Variants in RFT1 observed in about 807,000 individuals in gnomAD.
RFT1 encodes the protein RFT1 glycolipid translocator homolog.
A neutral mutation model predicts 62.2 loss-of-function variants in RFT1; 43 were observed. The ratio of observed to expected loss-of-function variants is 0.69; its 90% CI spans 0.54 to 0.89. The LOEUF (loss-of-function observed/expected upper bound fraction) is 0.89. Ranked by LOEUF, RFT1 falls within the 40% of genes least tolerant of loss-of-function variation. The pLI, the probability that RFT1 is intolerant of heterozygous loss-of-function variation, is 0.00. For missense variants in RFT1, 605 were observed against 649.9 expected, an observed-to-expected ratio of 0.93 and a Z score of 0.75; for synonymous variants, 262 against 264.6, an observed-to-expected ratio of 0.99 and a Z score of 0.10.
At chr3:53,118,931 G>T (rs919301936) in intron 6 of RFT1, among the ~76,000 whole-genome samples, 1 of 152,144 alleles carries the variant, frequency 6.6e-6, no homozygotes, top group Admixed American at 6.5e-5. Flanking sequence ...AGGAGACCAC[G>T]TGAGGCCGGG....
At chr3:53,081,349 G>A in the RFT1 span, among the ~76,000 whole-genome samples, 2 of 152,228 alleles carry the variant, frequency 1.3e-5, no homozygotes, top group Non-Finnish European at 2.9e-5. Context: ...GGGTGAGGGT[G>A]GAGAGGAGCA....
At chr3:53,070,984 G>C in the RFT1 span, among the ~76,000 whole-genome samples, 1 of 152,130 alleles carries the variant, frequency 6.6e-6, no homozygotes. Flanking sequence ...GCCCACTTTG[G>C]CCTCCCAAAG....
downstream of RFT1, among the ~76,000 whole-genome samples, chr3:53,086,512 C>T (rs1425587189): frequency 1.3e-5 from 2 of 152,036 alleles, no homozygotes; most frequent in African/African-American, 4.8e-5. Context: ...GACGGGGTTT[C>T]ACCATGTTGG....
chr3:53,108,368 A>C (rs1701549473), intron 7 of RFT1, among the ~76,000 whole-genome samples: 1 of 150,002 alleles, frequency 6.7e-6, no homozygotes. Flanking sequence ...ACAGCTCTTA[A>C]ATCAGTCTCT....
chr3:53,124,842 C>T (rs1464985252), intron 2 of RFT1, among the ~76,000 whole-genome samples: 1 of 152,036 alleles, frequency 6.6e-6, no homozygotes, highest in African/African-American at 2.4e-5. Flanking sequence ...TGTGGCGGTG[C>T]ACACCTGTAG....
chr3:53,073,597 C>G, the RFT1 span, among the ~76,000 whole-genome samples: 1 of 152,212 alleles, frequency 6.6e-6, no homozygotes, highest in Non-Finnish European at 1.5e-5. Flanking sequence ...AGGCCCTGAG[C>G]CCATCATTCC....
chr3:53,098,440 C>T (rs1279767798), intron 11 of RFT1, among the ~76,000 whole-genome samples: 1 of 152,036 alleles, frequency 6.6e-6, no homozygotes, highest in Non-Finnish European at 1.5e-5. Flanking sequence ...GACACTCCCT[C>T]CCCATCCCAC....
At chr3:53,114,355 A>G (rs1376570698) in intron 6 of RFT1, among the ~76,000 whole-genome samples, 3 of 152,190 alleles carry the variant, frequency 2.0e-5, no homozygotes, top group Non-Finnish European at 4.4e-5. Context: ...CTTTAAAGAC[A>G]AAGTTCTTTG....
intron 11 of RFT1, among the ~76,000 whole-genome samples, chr3:53,094,152 G>A (rs1197608707): frequency 6.6e-6 from 1 of 152,094 alleles, no homozygotes; most frequent in African/African-American, 2.4e-5. Context: ...GGGAGGTTGA[G>A]GCAGGAGAAT....
chr3:53,126,012 A>G lies in RFT1; in HGVS notation c.64-18T>C, dbSNP rs760921775. On this transcript the variant is annotated intron_variant, in intron 1 of 12. Coordinates refer to ENST00000296292, the MANE Select transcript of RFT1 (RefSeq NM_052859.4). Reference sequence around the variant, plus strand: ...AACAACACCTATAGAAAAAGAGGAAAAATACGTAAGAATAAATGACGTTAG... The same window carrying G: ...AACAACACCTATAGAAAAAGAGGAAGAATACGTAAGAATAAATGACGTTAG... 2 of 1,583,420 alleles carry G rather than the reference A, an allele frequency of 1.3e-6. No individual in the cohort carries two copies. Among genetic ancestry groups the G allele is most frequent in the South Asian group, 2.2e-5 (2 of 89,786 alleles).
chr3:53,082,060 C>T, the RFT1 span, among the ~76,000 whole-genome samples: 1 of 152,180 alleles, frequency 6.6e-6, no homozygotes, highest in Non-Finnish European at 1.5e-5. Flanking sequence ...CTTCCCGCCT[C>T]AGCCTCCTGA....
chr3:53,121,863 T>G, intron 4 of RFT1, 63 bp from the exon 5 acceptor site: 1 of 1,366,828 alleles, frequency 7.3e-7, no homozygotes. Flanking sequence ...TGTAATGGAA[T>G]GATAGACAGA....
At chr3:53,082,429 C>A in the RFT1 span, among the ~76,000 whole-genome samples, 1 of 151,862 alleles carries the variant, frequency 6.6e-6, no homozygotes. Flanking sequence ...GAGCTGAGAT[C>A]GTGCCACTGC....
chr3:53,079,504 C>T, the RFT1 span, among the ~76,000 whole-genome samples: 73 of 152,132 alleles, frequency 4.8e-4, no homozygotes, highest in Non-Finnish European at 2.2e-4. Flanking sequence ...GAGGCTGAGA[C>T]GAGTGGATCA....
At chr3:53,094,746 CAAT>C (rs1701094151) in intron 11 of RFT1, among the ~76,000 whole-genome samples, 1 of 151,810 alleles carries the variant, frequency 6.6e-6, no homozygotes, top group South Asian at 2.1e-4. Context: ...AGTAAAATAA[CAAT>C]AATGAATAAA....
At chr3:53,099,557 A>C in intron 10 of RFT1, 71 bp from the exon 11 acceptor site, 1 of 1,207,970 alleles carries the variant, frequency 8.3e-7, no homozygotes, top group Non-Finnish European at 1.2e-6. Context: ...AGTGCTGCTG[A>C]GTACCCAGAG....
At position 53,111,908 on chromosome 3, in the gene RFT1, C is replaced by A; in HGVS notation, c.697G>T (p.Ala233Ser). 6.2e-7 allele frequency: 1 copy of A among 1,612,244 alleles called. No individual in the cohort carries two copies. Among genetic ancestry groups the A allele is most frequent in the Non-Finnish European group, 8.5e-7 (1 of 1,179,018 alleles). Residue 233 changes from alanine (A) to serine (S), a missense_variant and splice_region_variant, in exon 7 of 13, where the codon GCG becomes TCG. Transcript: ENST00000296292. Reference protein sequence around the residue: ...DLLPNITRNGAFINWKEAKLT... With the variant: ...DLLPNITRNGSFINWKEAKLT... ...TTAGCCTCTTTCCAGTTTATAAACGCCTAGAAGAGAAAACAAAACAAAACA... is the reference window on the plus strand; with the variant it reads ...TTAGCCTCTTTCCAGTTTATAAACGACTAGAAGAGAAAACAAAACAAAACA...
the RFT1 span, among the ~76,000 whole-genome samples, chr3:53,076,001 G>T: frequency 3.9e-5 from 6 of 152,316 alleles, no homozygotes; most frequent in South Asian, 8.3e-4. Flanking sequence ...CTGCCTGGGT[G>T]GGGGATGGAA....
At chr3:53,117,582 G>A (rs905071461) in intron 6 of RFT1, among the ~76,000 whole-genome samples, 2 of 152,174 alleles carry the variant, frequency 1.3e-5, no homozygotes, top group Non-Finnish European at 1.5e-5. Context: ...TTGGGTCCTC[G>A]CAGTCTGGGC....
Sources: gnomAD v4.1 joint callset for allele counts (sites outside exome capture counted in the v4.1 genomes callset) on GRCh38, gnomAD v4.1.1 for gene constraint, MANE v1.5 for transcripts, NCBI Gene and HGNC (gene_info 2026-07-23, HGNC 2026-07-21) for gene names.